Variants in FOXO3 observed in about 807,000 individuals in gnomAD.
The protein encoded by FOXO3 is forkhead box O3.
FOXO3 carries 4 observed loss-of-function variants against 41.9 expected under a neutral mutation model. The ratio of observed to expected loss-of-function variants is 0.10; its 90% CI spans 0.05 to 0.22. The LOEUF (loss-of-function observed/expected upper bound fraction) is 0.22. Ranked by LOEUF, FOXO3 falls within the 10% of genes least tolerant of loss-of-function variation. FOXO3 has a pLI of 1.00. For missense variants in FOXO3, 534 were observed against 906.8 expected, an observed-to-expected ratio of 0.59 and a Z score of 5.28; for synonymous variants, 318 against 389.3, an observed-to-expected ratio of 0.82 and a Z score of 2.16.
chr6:108,670,415 G>A (rs2128389979), intron 2 of FOXO3, among the ~76,000 whole-genome samples: 1 of 151,586 alleles, frequency 6.6e-6, no homozygotes, highest in South Asian at 2.1e-4. Context: ...GGTCCTGTAA[G>A]TCAATGTTTC....
chr6:108,564,640 A>G (rs1205189877), intron 1 of FOXO3, among the ~76,000 whole-genome samples: 2 of 152,204 alleles, frequency 1.3e-5, no homozygotes, highest in African/African-American at 4.8e-5. Flanking sequence ...AGAATTAGAA[A>G]AGAGGACTTA....
intron 1 of FOXO3, among the ~76,000 whole-genome samples, chr6:108,593,656 G>A (rs1453373736): frequency 6.6e-6 from 1 of 150,908 alleles, no homozygotes; most frequent in African/African-American, 2.4e-5. Flanking sequence ...GGGATTACAG[G>A]TGTGAGCCAC....
Position 108,561,009 on chromosome 6 carries a change from G to C in FOXO3, c.-200G>C. 7.3e-7 allele frequency: 1 copy of C among 1,367,396 alleles called. No individual in the cohort carries two copies. Among genetic ancestry groups the C allele is most frequent in the Non-Finnish European group, 9.3e-7 (1 of 1,072,256 alleles). The allele number at this position is 1,367,396 out of a possible 1,614,324, so 84.7% of individuals were successfully genotyped here. A position where few individuals can be genotyped will look rare whatever the true frequency, so the allele number is the denominator to read the frequency against. ...GGCAGGACTGGGAGGTGGCGGCAGC[G>C]GGCGAGGACTCGCCGAGGACGGGGC... On this transcript the variant is annotated 5_prime_UTR_variant, in exon 1 of 3. Coordinates refer to ENST00000406360, the MANE Select transcript of FOXO3 (RefSeq NM_001455.4).
intron 1 of FOXO3, among the ~76,000 whole-genome samples, chr6:108,591,502 C>G (rs548048812): frequency 6.6e-6 from 1 of 152,112 alleles, no homozygotes; most frequent in African/African-American, 2.4e-5. Context: ...TCTAAATCAT[C>G]GGGAAAAAGC....
At chr6:108,592,215 G>A (rs926085228) in intron 1 of FOXO3, among the ~76,000 whole-genome samples, 2 of 152,134 alleles carry the variant, frequency 1.3e-5, no homozygotes, top group African/African-American at 4.8e-5. Flanking sequence ...TGCTTACACT[G>A]GTGTAAATAT....
At position 108,661,112 on chromosome 6, in the gene FOXO3, C is replaced by T. The variant is rs187496943; in HGVS notation, c.622-2343C>T. On this transcript the variant is annotated intron_variant, in intron 1 of 2. Transcript: ENST00000406360. ...CAAAAATTAGCCAGGTGTGGTGGCA[C>T]GCACCTGTAACCCCAGCTACTCGGG... Among the ~76,000 whole-genome samples the T allele has an allele frequency of 4.2e-3, 630 of 151,238 alleles. 3 individuals carry two copies. Among genetic ancestry groups the T allele is most frequent in the African/African-American group, 0.014 (573 of 41,156 alleles).
upstream of FOXO3, among the ~76,000 whole-genome samples, chr6:108,560,425 CCTT>C (rs1050297403): frequency 6.6e-6 from 1 of 152,230 alleles, no homozygotes; most frequent in Non-Finnish European, 1.5e-5. Flanking sequence ...TGCTGCTCCC[CCTT>C]CTTTCTGTCT....
chr6:108,616,674 T>C (rs968898352), intron 1 of FOXO3, among the ~76,000 whole-genome samples: 4 of 152,214 alleles, frequency 2.6e-5, no homozygotes, highest in African/African-American at 7.2e-5. Context: ...AGTTTGCAAA[T>C]TGATGGTTTT....
At chr6:108,645,740 C>T (rs1267943293) in intron 1 of FOXO3, among the ~76,000 whole-genome samples, 1 of 152,152 alleles carries the variant, frequency 6.6e-6, no homozygotes, top group Non-Finnish European at 1.5e-5. Flanking sequence ...AATATAGGCA[C>T]ATAAAAGTCT....
chr6:108,622,957 G>T (rs1226158472), intron 1 of FOXO3, among the ~76,000 whole-genome samples: 2 of 150,886 alleles, frequency 1.3e-5, no homozygotes, highest in African/African-American at 4.9e-5. Context: ...AAAGCTGGAA[G>T]AGTTCCCCTT....
intron 1 of FOXO3, among the ~76,000 whole-genome samples, chr6:108,634,892 C>T (rs545405416): frequency 2.6e-5 from 4 of 151,442 alleles, no homozygotes; most frequent in Admixed American, 6.6e-5. Context: ...TAAAAATATG[C>T]GAGCAGTATT....
chr6:108,562,836 GC>G lies in FOXO3; in HGVS notation c.621+1011del, dbSNP rs538388092. Reference sequence around the variant, plus strand: ...GGTATCCAAAGAGATTAACTCCTCTGCCCCTGCTGGGCTGCTGATATCCAGC... The same window carrying G: ...GGTATCCAAAGAGATTAACTCCTCTGCCCTGCTGGGCTGCTGATATCCAGC... On this transcript the variant is annotated intron_variant, in intron 1 of 2. Transcript: ENST00000406360. Among the ~76,000 whole-genome samples the G allele has an allele frequency of 6.6e-5, 10 of 152,290 alleles. No homozygotes were observed. The East Asian group carries it at 1.9e-3, about 29-fold the overall frequency.
At chr6:108,650,502 A>C (rs2128382363) in intron 1 of FOXO3, among the ~76,000 whole-genome samples, 1 of 152,352 alleles carries the variant, frequency 6.6e-6, no homozygotes, top group Middle Eastern at 3.4e-3. Flanking sequence ...GATAGATATT[A>C]CACTACTGAT....
upstream of FOXO3, chr6:108,560,878 C>G (rs1348877197): frequency 1.7e-5 from 16 of 962,258 alleles, no homozygotes; most frequent in Non-Finnish European, 2.2e-5. Context: ...GCGAGGCCGT[C>G]GATTCGCTCG....
intron 1 of FOXO3, among the ~76,000 whole-genome samples, chr6:108,660,314 A>G (rs1778806266): frequency 6.6e-6 from 1 of 152,220 alleles, no homozygotes; most frequent in Non-Finnish European, 1.5e-5. Flanking sequence ...TATCCGGACC[A>G]TTAGTAGAGA....
intron 1 of FOXO3, among the ~76,000 whole-genome samples, chr6:108,643,519 C>G (rs1778316323): frequency 6.6e-6 from 1 of 152,190 alleles, no homozygotes; most frequent in Non-Finnish European, 1.5e-5. Context: ...GAGCAACACT[C>G]AGAAATCAAC....
intron 1 of FOXO3, among the ~76,000 whole-genome samples, chr6:108,633,150 T>G (rs1162485887): frequency 6.6e-6 from 1 of 152,212 alleles, no homozygotes; most frequent in African/African-American, 2.4e-5. Context: ...TGCTTGATAC[T>G]CAGTGCTCCA....
At position 108,561,901 on chromosome 6, in the gene FOXO3, C is replaced by T. The variant is rs1055768371; in HGVS notation, c.621+72C>T. ...CGCAGCGCGAGACGCGTCTCGGATT[C>T]GTCGGAGTGCGCTTGCGGGCTCCAG... On this transcript the variant is annotated intron_variant, in intron 1 of 2. Coordinates refer to ENST00000406360, the MANE Select transcript of FOXO3 (RefSeq NM_001455.4). 6.8e-6 allele frequency: 10 copies of T among 1,473,066 alleles called. No homozygotes were observed. In the Admixed American group the frequency reaches 1.5e-4, roughly 22 times the overall value. The allele number at this position is 1,473,066 out of a possible 1,614,324, so 91.2% of individuals were successfully genotyped here.
intron 1 of FOXO3, among the ~76,000 whole-genome samples, chr6:108,644,803 AC>A (rs1778350656): frequency 6.6e-6 from 1 of 152,116 alleles, no homozygotes. Flanking sequence ...CACCCAGCTG[AC>A]CTTGTTATTT....
Sources: gnomAD v4.1 joint callset for allele counts (sites outside exome capture counted in the v4.1 genomes callset) on GRCh38, gnomAD v4.1.1 for gene constraint, MANE v1.5 for transcripts, NCBI Gene and HGNC (gene_info 2026-07-23, HGNC 2026-07-21) for gene names.